The following DPP6 variants were observed in gnomAD, a reference collection of about 807,000 sequenced individuals.
DPP6 encodes dipeptidyl peptidase like 6, also known as A-type potassium channel modulatory protein DPP6.
DPP6 carries 69 observed loss-of-function variants against 122.6 expected under a neutral mutation model. The ratio of observed to expected loss-of-function variants is 0.56; its 90% CI spans 0.46 to 0.69. The LOEUF (loss-of-function observed/expected upper bound fraction) is 0.69, where lower values mean the gene tolerates loss of function less well. DPP6 is among the 30% of genes least tolerant of loss of function. The pLI is 0.00. For missense variants in DPP6, 928 were observed against 1,116.9 expected, an observed-to-expected ratio of 0.83 and a Z score of 2.41; for synonymous variants, 418 against 433.1, an observed-to-expected ratio of 0.97 and a Z score of 0.43.
chr7:154,825,333 T>C (rs1431082610), intron 16 of DPP6, among the ~76,000 whole-genome samples: 3 of 152,234 alleles, frequency 2.0e-5, no homozygotes, highest in Non-Finnish European at 4.4e-5. Flanking sequence ...GTAAGACTAT[T>C]TTAAATCTAC....
At chr7:154,003,984 C>A (rs1320406672) in intron 1 of DPP6, among the ~76,000 whole-genome samples, 1 of 152,172 alleles carries the variant, frequency 6.6e-6, no homozygotes, top group Non-Finnish European at 1.5e-5. Context: ...GTAAAGGGAA[C>A]CATGAAGAAT....
chr7:154,619,178 T>C (rs1216113485), intron 5 of DPP6, among the ~76,000 whole-genome samples: 1 of 152,148 alleles, frequency 6.6e-6, no homozygotes, highest in Non-Finnish European at 1.5e-5. Flanking sequence ...CGGTCTCAGG[T>C]ATATCTTTAT....
At chr7:154,769,345 G>A in intron 8 of DPP6, 72 bp from the exon 9 acceptor site, 2 of 1,595,984 alleles carry the variant, frequency 1.3e-6, no homozygotes, top group Non-Finnish European at 1.7e-6. Flanking sequence ...GCCACCTCAT[G>A]TTCCTGCTGG....
At chr7:154,366,344 C>T (rs936824173) in intron 1 of DPP6, among the ~76,000 whole-genome samples, 1 of 152,188 alleles carries the variant, frequency 6.6e-6, no homozygotes, top group East Asian at 1.9e-4. Flanking sequence ...CATCTACAAC[C>T]AAATACCCCT....
intron 7 of DPP6, among the ~76,000 whole-genome samples, chr7:154,678,270 G>A (rs574856202): frequency 2.0e-5 from 3 of 152,212 alleles, no homozygotes; most frequent in Non-Finnish European, 2.9e-5. Context: ...TCCCTTCCAC[G>A]TGGAAGCTGT....
At chr7:154,081,613 A>G (rs1804018493) in intron 1 of DPP6, among the ~76,000 whole-genome samples, 1 of 148,652 alleles carries the variant, frequency 6.7e-6, no homozygotes, top group South Asian at 2.2e-4. Context: ...GCCTTGGTTC[A>G]TGATCCGTGG....
In DPP6 at chr7:154,180,221, A is replaced by G. The variant is rs574044429; in HGVS notation, c.243+127158A>G. ...AAATTAGCCAGGCATGGTAGTGCGC[A>G]CCTATAATCTCAGCTACTCGGGAGG... On this transcript the variant is annotated intron_variant, in intron 1 of 25. Transcript: ENST00000377770. Among the ~76,000 whole-genome samples, 21 of 151,712 alleles carry G rather than the reference A, an allele frequency of 1.4e-4. No individual in the cohort carries two copies. In the South Asian group the frequency reaches 3.1e-3, roughly 23 times the overall value.
intron 1 of DPP6, among the ~76,000 whole-genome samples, chr7:153,923,885 T>C (rs973594823): frequency 1.3e-5 from 2 of 152,014 alleles, no homozygotes; most frequent in Non-Finnish European, 2.9e-5. Flanking sequence ...TGGATCCCTT[T>C]AAATATCAAG....
intron 1 of DPP6, among the ~76,000 whole-genome samples, chr7:154,016,014 T>C (rs1466277397): frequency 6.6e-6 from 1 of 152,184 alleles, no homozygotes; most frequent in African/African-American, 2.4e-5. Flanking sequence ...GCTCTGGCCA[T>C]ATCGGCCCAC....
chr7:153,904,614 C>T (rs192702592), intron 1 of DPP6, among the ~76,000 whole-genome samples: 1 of 152,300 alleles, frequency 6.6e-6, no homozygotes, highest in Non-Finnish European at 1.5e-5. Context: ...TTCCTTACTC[C>T]TAAATTCTCA....
chr7:153,944,699 C>T (rs1585069156), intron 1 of DPP6, among the ~76,000 whole-genome samples: 3 of 104,020 alleles, frequency 2.9e-5, no homozygotes, highest in Admixed American at 1.4e-4. Context: ...GACAGAATTT[C>T]GGCCCACTGC....
chr7:154,546,488 TAAA>T (rs34283278), intron 4 of DPP6, among the ~76,000 whole-genome samples: 22 of 144,624 alleles, frequency 1.5e-4, no homozygotes, highest in African/African-American at 5.0e-4. Flanking sequence ...GTCGATTATT[TAAA>T]AAAAAAAAAA....
intron 1 of DPP6, among the ~76,000 whole-genome samples, chr7:154,115,820 TA>T (rs555371578): frequency 2.3e-3 from 352 of 152,312 alleles, no homozygotes; most frequent in African/African-American, 8.0e-3. Flanking sequence ...ACCATCCAAG[TA>T]ATTACACCTG....
intron 1 of DPP6, among the ~76,000 whole-genome samples, chr7:154,012,197 G>T (rs910924673): frequency 6.6e-6 from 1 of 152,100 alleles, no homozygotes; most frequent in African/African-American, 2.4e-5. Flanking sequence ...CTTTGCATGA[G>T]AATTCCTTTT....
intron 17 of DPP6, among the ~76,000 whole-genome samples, chr7:154,859,431 G>T (rs532811276): frequency 2.6e-5 from 4 of 152,328 alleles, no homozygotes; most frequent in Admixed American, 2.6e-4. Context: ...GGCACTGTGC[G>T]TCAGCTAGCA....
At chr7:154,126,691 G>C (rs1308710949) in intron 1 of DPP6, among the ~76,000 whole-genome samples, 5 of 151,312 alleles carry the variant, frequency 3.3e-5, no homozygotes, top group Non-Finnish European at 7.4e-5. Flanking sequence ...GCTTGAATTT[G>C]CACCTGGAAA....
In DPP6 at chr7:153,912,490, C is replaced by T. The variant is rs530192718; in HGVS notation, c.51+24756C>T. 2.0e-4 allele frequency among the ~76,000 whole-genome samples: 31 copies of T among 152,236 alleles called. No individual in the cohort carries two copies. The South Asian group carries it at 6.4e-3, about 32-fold the overall frequency. On this transcript the variant is annotated intron_variant, in intron 1 of 25. Transcript: ENST00000404039. ...CTCTTTCCTATTACATTTCAGCTGC[C>T]AAAATAGCTCTTTGAATTTGGTGCT...
intron 6 of DPP6, among the ~76,000 whole-genome samples, chr7:154,638,457 T>C (rs1835865772): frequency 6.6e-6 from 1 of 152,186 alleles, no homozygotes; most frequent in Non-Finnish European, 1.5e-5. Context: ...TTTATTGTCC[T>C]TTCTGAGCTT....
At chr7:153,781,977 TACACACACACACACACAC>T in the DPP6 span, among the ~76,000 whole-genome samples, 1,487 of 89,804 alleles carry the variant, frequency 0.017, 77 homozygotes, top group Non-Finnish European at 0.026. Context: ...CCCCAGAGAA[TACACACACACACACACAC>T]ACACACACAC....
Sources: gnomAD v4.1 joint callset for allele counts (sites outside exome capture counted in the v4.1 genomes callset) on GRCh38, gnomAD v4.1.1 for gene constraint, MANE v1.5 for transcripts, NCBI Gene and HGNC (gene_info 2026-07-23, HGNC 2026-07-21) for gene names.